SULF2: variants seen among roughly 807,000 people sequenced by gnomAD.
The protein encoded by SULF2 is extracellular sulfatase Sulf-2.
Under a neutral mutation model 107.7 loss-of-function variants are expected in SULF2, and 52 were observed. The observed-to-expected ratio is 0.48, with a 90% confidence interval of 0.39 to 0.61. The LOEUF (loss-of-function observed/expected upper bound fraction) is 0.61, where lower values mean the gene tolerates loss of function less well. SULF2 is among the 20% of genes least tolerant of loss of function. SULF2 has a pLI of 0.00. For synonymous variants in SULF2, 460 were observed against 464.3 expected (o/e 0.99, Z 0.12); for missense variants, 993 against 1,177.3 (o/e 0.84, Z 2.29).
chr20:47,660,431 T>C (rs1183158159), intron 18 of SULF2, among the ~76,000 whole-genome samples: 3 of 152,188 alleles, frequency 2.0e-5, no homozygotes, highest in African/African-American at 7.2e-5. Context: ...GAGCCGACGG[T>C]AGCGTCTGAA....
Position 47,768,417 on chromosome 20 carries a change from C to T in SULF2, c.-100-10954G>A, listed in dbSNP as rs78296157. On this transcript the variant is annotated intron_variant, in intron 1 of 20. Coordinates refer to ENST00000688720, the MANE Select transcript of SULF2 (RefSeq NM_001387048.1). ...CTCTTCAAGATCAGAAGTGAAATTCCCTTTTTTCAATTAGGTCATTCCTAG... is the reference window on the plus strand; with the variant it reads ...CTCTTCAAGATCAGAAGTGAAATTCTCTTTTTTCAATTAGGTCATTCCTAG... Among the ~76,000 whole-genome samples, 442 of 152,366 alleles carry T rather than the reference C, an allele frequency of 2.9e-3. 2 individuals are homozygous for T. Among genetic ancestry groups the T allele is most frequent in the African/African-American group, 0.01 (427 of 41,588 alleles).
In SULF2 at chr20:47,690,197, A is replaced by G; in HGVS notation, c.666T>C (p.His222=). Residue 222 remains histidine, a synonymous_variant, in exon 5 of 21, where the codon CAT becomes CAC. Coordinates refer to ENST00000688720, the MANE Select transcript of SULF2 (RefSeq NM_001387048.1). ...AATCCTCAGGGCCGTGGGGGGCTGCATGGCTGATGACCATGAGGACTGGCC... is the reference window on the plus strand; with the variant it reads ...AATCCTCAGGGCCGTGGGGGGCTGCGTGGCTGATGACCATGAGGACTGGCC... ...PHRPVLMVIS[H]AAPHGPEDSA... is the part of the protein sequence containing the mutation. The G allele has an allele frequency of 6.4e-7, 1 of 1,571,912 alleles. No homozygotes were observed. The highest frequency in any genetic ancestry group is 1.8e-5 in the Admixed American group (1 of 55,830).
At chr20:47,780,017 T>TTA (rs201651420) in intron 1 of SULF2, among the ~76,000 whole-genome samples, 1,381 of 127,510 alleles carry the variant, frequency 0.011, 29 homozygotes, top group African/African-American at 0.037. Flanking sequence ...CTAGTTGACT[T>TTA]TTTTTTTTTT....
chr20:47,663,636 G>A lies in SULF2; in HGVS notation c.2058-14C>T. 6.4e-7 allele frequency: 1 copy of A among 1,563,992 alleles called. No homozygotes were observed. Among genetic ancestry groups the A allele is most frequent in the South Asian group, 1.2e-5 (1 of 82,978 alleles). On this transcript the variant is annotated splice_polypyrimidine_tract_variant and intron_variant, in intron 15 of 20. Transcript: ENST00000688720. ...TGCAGGCCCTTCCTATGGGCGCAGA[G>A]GGCCACACACACCTTGGGCCTCTGA...
chr20:47,759,425 C>T (rs1277272032), intron 1 of SULF2, among the ~76,000 whole-genome samples: 2 of 152,232 alleles, frequency 1.3e-5, no homozygotes, highest in South Asian at 2.1e-4. Context: ...TGCGCAGTGG[C>T]TCACATCTGT....
rs1415109485 is a variant in SULF2, at chr20:47,745,442, TATATATATATATATAC to T, written c.176-8516_176-8501del. Among the ~76,000 whole-genome samples, 57 of 13,000 alleles carry T rather than the reference TATATATATATATATAC, an allele frequency of 4.4e-3. 3 individuals are homozygous for T. The highest frequency in any genetic ancestry group is 6.0e-3 in the Admixed American group (5 of 832). 8.5% of individuals were successfully genotyped at this position (13,000 alleles called of 152,430 possible). On this transcript the variant is annotated intron_variant, in intron 2 of 20. Coordinates refer to ENST00000688720, the MANE Select transcript of SULF2 (RefSeq NM_001387048.1). ...ATATATATATATATATATATATATA[TATATATATATATATAC>T]ACATACACACACACTTTTTTAGTTC... is the stretch of plus-strand genomic sequence containing the variant.
At chr20:47,668,415 T>C (rs2087348520) in intron 11 of SULF2, among the ~76,000 whole-genome samples, 2 of 152,216 alleles carry the variant, frequency 1.3e-5, no homozygotes, top group Admixed American at 1.3e-4. Flanking sequence ...AATCCTTTCC[T>C]GGACTGAAGC....
intron 14 of SULF2, among the ~76,000 whole-genome samples, chr20:47,664,831 G>A (rs2087206285): frequency 6.6e-6 from 1 of 152,278 alleles, no homozygotes; most frequent in East Asian, 1.9e-4. Flanking sequence ...TTCTATTAGA[G>A]CTGTTCTAGA....
chr20:47,765,356 AAAAAC>A (rs1328308627), intron 1 of SULF2, among the ~76,000 whole-genome samples: 4 of 133,464 alleles, frequency 3.0e-5, no homozygotes, highest in African/African-American at 5.7e-5. Context: ...TGCCTTAAAA[AAAAAC>A]AAAACAAAAC....
intron 3 of SULF2, among the ~76,000 whole-genome samples, chr20:47,734,668 T>C (rs2089688534): frequency 6.6e-6 from 1 of 152,230 alleles, no homozygotes; most frequent in Admixed American, 6.5e-5. Context: ...TTCAGGGTCC[T>C]GAGTTCTGAA....
intron 3 of SULF2, among the ~76,000 whole-genome samples, chr20:47,703,299 A>C (rs2088628450): frequency 6.6e-6 from 1 of 152,232 alleles, no homozygotes; most frequent in Non-Finnish European, 1.5e-5. Context: ...TGGGATATTA[A>C]ATACTGGTGA....
At chr20:47,758,162 C>CTT (rs373618271) in intron 1 of SULF2, among the ~76,000 whole-genome samples, 2,728 of 122,416 alleles carry the variant, frequency 0.022, 60 homozygotes, top group Non-Finnish European at 0.03. Context: ...AAAAGTATTC[C>CTT]TTTTTTTTTT....
chr20:47,681,682 T>A (rs187735649), intron 7 of SULF2, among the ~76,000 whole-genome samples: 2 of 152,342 alleles, frequency 1.3e-5, no homozygotes, highest in Admixed American at 6.5e-5. Flanking sequence ...GTTGTGATGC[T>A]GAAACGAATT....
At chr20:47,672,116 G>T in intron 11 of SULF2, 82 bp downstream of exon 11, 1 of 1,421,598 alleles carries the variant, frequency 7.0e-7, no homozygotes, top group South Asian at 1.3e-5. Context: ...CAGTCTCTGT[G>T]GAACTGTCGG....
intron 1 of SULF2, among the ~76,000 whole-genome samples, chr20:47,774,353 C>A (rs1449166040): frequency 1.3e-5 from 2 of 152,202 alleles, no homozygotes; most frequent in East Asian, 3.8e-4. Context: ...GGGTGGAAGG[C>A]AGTGTCACTG....
intron 4 of SULF2, among the ~76,000 whole-genome samples, chr20:47,699,288 G>C (rs979890996): frequency 4.6e-5 from 7 of 152,084 alleles, no homozygotes; most frequent in African/African-American, 1.7e-4. Context: ...GTACACAGCA[G>C]GCTCTCAATG....
chr20:47,754,483 C>A (rs1023028471), intron 2 of SULF2, among the ~76,000 whole-genome samples: 2 of 115,590 alleles, frequency 1.7e-5, no homozygotes, highest in African/African-American at 3.2e-5. Context: ...ACCTTCCCAT[C>A]CCTTGCCTCC....
At chr20:47,664,006 AC>A in intron 15 of SULF2, 123 bp downstream of exon 15, 1 of 1,040,932 alleles carries the variant, frequency 9.6e-7, no homozygotes, top group African/African-American at 1.6e-5. Context: ...TTCGAGGGCT[AC>A]CGTGGACTTC....
intron 2 of SULF2, among the ~76,000 whole-genome samples, chr20:47,745,886 C>A (rs1440794885): frequency 2.0e-5 from 3 of 152,198 alleles, no homozygotes; most frequent in African/African-American, 7.2e-5. Context: ...CGGAGTCCCT[C>A]TAGACTAAAT....
Sources: allele counts gnomAD v4.1 joint callset (sites outside exome capture counted in the v4.1 genomes callset), GRCh38; gene constraint gnomAD v4.1.1; transcripts MANE v1.5; gene names NCBI Gene and HGNC (gene_info 2026-07-23, HGNC 2026-07-21).